CNTN4: variants seen among roughly 807,000 people sequenced by gnomAD.
CNTN4 encodes the protein contactin 4.
In CNTN4, 77 loss-of-function variants were observed where a neutral mutation model predicts 122.5. The ratio of observed to expected loss-of-function variants is 0.63; its 90% CI spans 0.52 to 0.76. The LOEUF (loss-of-function observed/expected upper bound fraction) is 0.76, where lower values mean the gene tolerates loss of function less well. CNTN4 is among the 30% of genes least tolerant of loss of function. CNTN4 has a pLI of 0.00. For missense variants in CNTN4, 1,256 were observed against 1,259.1 expected, an observed-to-expected ratio of 1.00 and a Z score of 0.04; for synonymous variants, 512 against 447.0, an observed-to-expected ratio of 1.15 and a Z score of -1.83.
chr3:2,381,303 G>C (rs945866347), intron 3 of CNTN4, among the ~76,000 whole-genome samples: 6 of 152,142 alleles, frequency 3.9e-5, no homozygotes, highest in African/African-American at 1.4e-4. Context: ...ACTGCGCCTG[G>C]CCTTGTTTTG....
intron 3 of CNTN4, among the ~76,000 whole-genome samples, chr3:2,381,253 G>T (rs1004424718): frequency 6.6e-6 from 1 of 152,074 alleles, no homozygotes; most frequent in Non-Finnish European, 1.5e-5. Flanking sequence ...TGATCCACCC[G>T]CCTCGGCCTC....
chr3:2,551,572 G>T (rs1273450171), intron 3 of CNTN4, among the ~76,000 whole-genome samples: 2 of 151,916 alleles, frequency 1.3e-5, no homozygotes, highest in African/African-American at 4.8e-5. Context: ...ATCATGAAAG[G>T]ATTTTTGAAA....
At chr3:2,572,942 T>C (rs11707897) in intron 4 of CNTN4, among the ~76,000 whole-genome samples, 20,295 of 152,226 alleles carry the variant, frequency 0.13, 1,640 homozygotes, top group Non-Finnish European at 0.18. Flanking sequence ...AAGCACGTGG[T>C]ATCCTTTATC....
chr3:2,422,541 T>G (rs1359529990), intron 3 of CNTN4, among the ~76,000 whole-genome samples: 1 of 152,242 alleles, frequency 6.6e-6, no homozygotes, highest in Non-Finnish European at 1.5e-5. Flanking sequence ...TTGGATCAAG[T>G]GCTTATATCT....
chr3:2,701,547 G>T (rs2086361171), intron 4 of CNTN4, among the ~76,000 whole-genome samples: 1 of 152,200 alleles, frequency 6.6e-6, no homozygotes, highest in Non-Finnish European at 1.5e-5. Context: ...TGCTTTCTCT[G>T]TGAATGGTTT....
chr3:2,443,750 C>A (rs1196409397), intron 3 of CNTN4, among the ~76,000 whole-genome samples: 1 of 152,130 alleles, frequency 6.6e-6, no homozygotes, highest in Non-Finnish European at 1.5e-5. Context: ...TAGGTTAGTT[C>A]ATCCATAAAG....
At chr3:3,034,542 A>AT (rs1330832114) in intron 16 of CNTN4, 90 bp from the exon 17 acceptor site, 1 of 1,309,370 alleles carries the variant, frequency 7.6e-7, no homozygotes, top group Non-Finnish European at 1.1e-6. Flanking sequence ...TAGATAAATG[A>AT]ATGGGTCAAT....
intron 14 of CNTN4, among the ~76,000 whole-genome samples, chr3:2,994,148 C>T (rs767842091): frequency 5.9e-5 from 9 of 152,066 alleles, no homozygotes; most frequent in South Asian, 2.1e-4. Flanking sequence ...AACCTCCCAC[C>T]GTCACCAGCC....
chr3:2,569,380 G>T (rs968326183), intron 3 of CNTN4, among the ~76,000 whole-genome samples: 5 of 152,192 alleles, frequency 3.3e-5, no homozygotes, highest in African/African-American at 1.2e-4. Flanking sequence ...TGCTCACAGT[G>T]TTTTTCTTAT....
chr3:2,404,659 G>A (rs1191367532), intron 3 of CNTN4, among the ~76,000 whole-genome samples: 1 of 152,112 alleles, frequency 6.6e-6, no homozygotes, highest in Non-Finnish European at 1.5e-5. Flanking sequence ...TGTAAAGTCA[G>A]CTAATTAATC....
chr3:2,306,889 T>G (rs1247742870), intron 2 of CNTN4, among the ~76,000 whole-genome samples: 1 of 134,440 alleles, frequency 7.4e-6, no homozygotes, highest in African/African-American at 3.3e-5. Flanking sequence ...ATATTTTAAA[T>G]GAAATTTTTT....
intron 7 of CNTN4, among the ~76,000 whole-genome samples, chr3:2,853,250 T>C (rs2093576044): frequency 6.6e-6 from 1 of 152,158 alleles, no homozygotes; most frequent in Non-Finnish European, 1.5e-5. Flanking sequence ...TTGTTTTGTT[T>C]TGTTTTGTTT....
At chr3:2,535,419 G>GT (rs1485128965) in intron 3 of CNTN4, among the ~76,000 whole-genome samples, 1 of 152,082 alleles carries the variant, frequency 6.6e-6, no homozygotes, top group African/African-American at 2.4e-5. Context: ...CTTCTTCTGT[G>GT]TTTTTTCTAA....
At position 2,627,596 on chromosome 3, in the gene CNTN4, C is replaced by T. The variant is rs531511510; in HGVS notation, c.55+56038C>T. Among the ~76,000 whole-genome samples the T allele has an allele frequency of 1.5e-3, 226 of 150,642 alleles. 1 individual carries two copies. The highest frequency in any genetic ancestry group is 5.3e-3 in the African/African-American group (217 of 40,866). ...GCAAGCTCCGCCTCCTGGGTTCAGGCCATTCTCCTGCTTCAGCCTCCCGAG... is the reference window on the plus strand; with the variant it reads ...GCAAGCTCCGCCTCCTGGGTTCAGGTCATTCTCCTGCTTCAGCCTCCCGAG... On this transcript the variant is annotated intron_variant, in intron 4 of 24. Transcript: ENST00000418658.
intron 2 of CNTN4, among the ~76,000 whole-genome samples, chr3:2,149,722 C>G (rs1157742067): frequency 6.6e-6 from 1 of 152,146 alleles, no homozygotes; most frequent in African/African-American, 2.4e-5. Flanking sequence ...GATGCAATGA[C>G]TTTTCCCTGT....
intron 6 of CNTN4, among the ~76,000 whole-genome samples, chr3:2,749,776 T>C (rs1387947840): frequency 3.3e-5 from 5 of 152,192 alleles, no homozygotes; most frequent in Non-Finnish European, 7.3e-5. Flanking sequence ...TTTCTAGATG[T>C]TTTTCCCTAT....
chr3:2,622,402 G>A (rs977175531), intron 4 of CNTN4, among the ~76,000 whole-genome samples: 3 of 152,058 alleles, frequency 2.0e-5, no homozygotes, highest in Admixed American at 1.3e-4. Context: ...AGTGATTCTC[G>A]TGCCTCAACT....
intron 3 of CNTN4, among the ~76,000 whole-genome samples, chr3:2,425,298 G>A (rs936090156): frequency 1.3e-4 from 20 of 152,118 alleles, no homozygotes; most frequent in African/African-American, 4.3e-4. Flanking sequence ...TGGCTAGCCA[G>A]TTTTCCCAGC....
chr3:2,856,643 G>A (rs2093621544), intron 7 of CNTN4, among the ~76,000 whole-genome samples: 1 of 152,182 alleles, frequency 6.6e-6, no homozygotes, highest in South Asian at 2.1e-4. Flanking sequence ...TCTTCTCTTT[G>A]CAGCTACAAG....
Sources: allele counts gnomAD v4.1 joint callset (sites outside exome capture counted in the v4.1 genomes callset), GRCh38; gene constraint gnomAD v4.1.1; transcripts MANE v1.5; gene names NCBI Gene and HGNC (gene_info 2026-07-23, HGNC 2026-07-21).